RNF10: variants seen among roughly 807,000 people sequenced by gnomAD.
RNF10 encodes the protein ring finger protein 10.
A neutral mutation model predicts 91.4 loss-of-function variants in RNF10; 38 were observed. The ratio of observed to expected loss-of-function variants is 0.42; its 90% CI spans 0.32 to 0.54. RNF10 has a LOEUF of 0.54. Ranked by LOEUF, RNF10 falls within the 20% of genes least tolerant of loss-of-function variation. The pLI, the probability that RNF10 is intolerant of heterozygous loss-of-function variation, is 0.16. For synonymous variants in RNF10, 364 were observed against 366.3 expected (o/e 0.99, Z 0.07); for missense variants, 945 against 1,012.0 (o/e 0.93, Z 0.90).
intron 2 of RNF10, among the ~76,000 whole-genome samples, chr12:120,549,627 A>T (rs1872755847): frequency 6.6e-6 from 1 of 152,112 alleles, no homozygotes; most frequent in African/African-American, 2.4e-5. Flanking sequence ...TCTACTAAAA[A>T]TACAAAAATT....
At chr12:120,576,370 A>C (rs1479327089) in intron 16 of RNF10, among the ~76,000 whole-genome samples, 6 of 152,224 alleles carry the variant, frequency 3.9e-5, no homozygotes, top group African/African-American at 1.4e-4. Flanking sequence ...AAATGGGTGT[A>C]CCTCACGTTA....
Position 120,563,422 on chromosome 12 carries a change from C to G in RNF10, c.1330C>G (p.Leu444Val), listed in dbSNP as rs756471038. 1.6e-5 allele frequency: 26 copies of G among 1,614,062 alleles called. No individual in the cohort carries two copies. The highest frequency in any genetic ancestry group is 2.0e-5 in the Non-Finnish European group (24 of 1,180,040). ...TTCTCTGGACACTCCTTCTAGACCT[C>G]TTGCTCTCCCTCTGGTAGAAGAGGA... ...VCSLDTPSRP[L>V]ALPLVEEEEA... The change falls in exon 9 of 17, where the codon CTT becomes GTT. Residue 444 changes from leucine (L) to valine (V), a missense_variant. By Grantham distance (32) the Leu-to-Val change is conservative (BLOSUM62 1). Coordinates refer to ENST00000325954, the MANE Select transcript of RNF10 (RefSeq NM_014868.5).
chr12:120,552,784 A>G (rs772753699), intron 3 of RNF10, 86 bp downstream of exon 3: 42 of 1,151,242 alleles, frequency 3.6e-5, no homozygotes, highest in African/African-American at 7.7e-5. Context: ...TTTTTAAGCT[A>G]TTGTGGGAAA....
intron 13 of RNF10, among the ~76,000 whole-genome samples, chr12:120,570,644 T>C (rs1437801954): frequency 2.0e-5 from 3 of 152,158 alleles, no homozygotes; most frequent in Admixed American, 1.3e-4. Flanking sequence ...CTGTGGGAAG[T>C]GTTCAGCTCT....
rs1445708123 is a variant in RNF10, at chr12:120,544,400, A to G, written c.158-2005A>G. On this transcript the variant is annotated intron_variant, in intron 1 of 16. Transcript: ENST00000325954. ...TGGCTGGGAGTGTTGGCTCATGCCT[A>G]TAATACCAGCACTTTGGGAGGCCGA... 3.3e-5 allele frequency among the ~76,000 whole-genome samples: 5 copies of G among 150,686 alleles called. No individual in the cohort carries two copies. The East Asian group carries it at 5.9e-4, about 18-fold the overall frequency.
chr12:120,568,378 T>C (rs964375266), intron 13 of RNF10, among the ~76,000 whole-genome samples: 1 of 152,236 alleles, frequency 6.6e-6, no homozygotes, highest in African/African-American at 2.4e-5. Flanking sequence ...ATAAAGAATG[T>C]TTAAAGTGTT....
intron 13 of RNF10, 47 bp from the exon 14 acceptor site, chr12:120,571,144 C>A: frequency 7.6e-7 from 1 of 1,307,506 alleles, no homozygotes; most frequent in Non-Finnish European, 1.1e-6. Context: ...GTTAAGGACA[C>A]CCCTTGGAAC....
intron 1 of RNF10, among the ~76,000 whole-genome samples, chr12:120,536,399 G>T (rs953976097): frequency 2.6e-5 from 4 of 152,136 alleles, no homozygotes; most frequent in African/African-American, 9.7e-5. Context: ...ATACCATCCA[G>T]CCTGGGTAAC....
chr12:120,557,720 T>A (rs1388049282), intron 6 of RNF10, 38 bp downstream of exon 6: 1 of 1,608,968 alleles, frequency 6.2e-7, no homozygotes. Flanking sequence ...TAATCCTGGG[T>A]ACATTCTTTA....
chr12:120,539,806 C>T (rs1414192568), intron 1 of RNF10, among the ~76,000 whole-genome samples: 2 of 151,832 alleles, frequency 1.3e-5, no homozygotes, highest in Non-Finnish European at 2.9e-5. Flanking sequence ...CAGTTGTTCT[C>T]AGTGGTGGCT....
chr12:120,553,401 CTTTTTT>C (rs1243050601), intron 3 of RNF10, among the ~76,000 whole-genome samples: 19 of 95,060 alleles, frequency 2.0e-4, no homozygotes, highest in South Asian at 1.7e-3. Context: ...AAGAGGAATT[CTTTTTT>C]TTTTTTTTTT....
chr12:120,570,763 G>A (rs1255307999), intron 13 of RNF10, among the ~76,000 whole-genome samples: 3 of 152,186 alleles, frequency 2.0e-5, no homozygotes, highest in Non-Finnish European at 4.4e-5. Context: ...ATACTCCCAG[G>A]TCATAGTGTC....
chr12:120,559,328 C>T (rs1439089084), intron 6 of RNF10, among the ~76,000 whole-genome samples: 13 of 151,588 alleles, frequency 8.6e-5, no homozygotes, highest in Admixed American at 6.6e-4. Context: ...ATTTCAGGCA[C>T]CTGCCACCAC....
At chr12:120,564,080 T>A in intron 10 of RNF10, 137 bp downstream of exon 10, 1 of 930,550 alleles carries the variant, frequency 1.1e-6, no homozygotes, top group Non-Finnish European at 1.6e-6. Context: ...TCAGTGATGG[T>A]GCTGTGAATT....
chr12:120,551,667 A>T (rs544682584), intron 2 of RNF10, among the ~76,000 whole-genome samples: 2 of 152,066 alleles, frequency 1.3e-5, no homozygotes, highest in African/African-American at 4.8e-5. Flanking sequence ...CCTGTTGCCC[A>T]GGCTGGAGTG....
At chr12:120,535,786 C>T (rs923274824) in intron 1 of RNF10, among the ~76,000 whole-genome samples, 1 of 152,064 alleles carries the variant, frequency 6.6e-6, no homozygotes, top group African/African-American at 2.4e-5. Context: ...TAATAGCTAC[C>T]TTTAATTGAG....
chr12:120,575,937 A>G lies in RNF10; in HGVS notation c.2346A>G (p.Ser782=), dbSNP rs940461586. The G allele has an allele frequency of 1.9e-6, 3 of 1,613,738 alleles. No homozygotes were observed. Among genetic ancestry groups the G allele is most frequent in the Non-Finnish European group, 2.5e-6 (3 of 1,180,032 alleles). The part of the protein sequence containing the change: ...AFMKLDTPAT[S]DPLSEEKGGK... ...TGAAACTGGACACACCAGCTACTTC[A>G]GATCCCCTCTCTGGTAAGGGCAGAG... Residue 782 remains serine, a synonymous_variant, in exon 16 of 17, where the codon TCA becomes TCG. Transcript: ENST00000325954.
chr12:120,537,534 A>T (rs1454597678), intron 1 of RNF10, among the ~76,000 whole-genome samples: 1 of 152,182 alleles, frequency 6.6e-6, no homozygotes, highest in Non-Finnish European at 1.5e-5. Context: ...GGGCTGAGGC[A>T]GGAGAATCCC....
chr12:120,545,400 G>T (rs1054939848), intron 1 of RNF10, among the ~76,000 whole-genome samples: 5 of 146,724 alleles, frequency 3.4e-5, no homozygotes, highest in Non-Finnish European at 7.5e-5. Context: ...CACTGTGTTA[G>T]CCAGGATGGT....
Sources: allele counts gnomAD v4.1 joint callset (sites outside exome capture counted in the v4.1 genomes callset), GRCh38; gene constraint gnomAD v4.1.1; transcripts MANE v1.5; gene names NCBI Gene and HGNC (gene_info 2026-07-23, HGNC 2026-07-21).